NUP50: variants seen among roughly 807,000 people sequenced by gnomAD.
The protein encoded by NUP50 is nucleoporin 50, also known as nuclear pore complex protein Nup50.
Under a neutral mutation model 36.8 loss-of-function variants are expected in NUP50, and 14 were observed. That is an observed-to-expected ratio of 0.38 (90% CI 0.25 to 0.59). NUP50 has a LOEUF of 0.59. Among genes scored for constraint, NUP50 ranks in the 20% least tolerant of loss-of-function variants. The pLI is 0.63. For synonymous variants in NUP50, 195 were observed against 210.8 expected, an observed-to-expected ratio of 0.93 and a Z score of 0.65; for missense variants, 455 against 564.6, an observed-to-expected ratio of 0.81 and a Z score of 1.97.
At chr22:45,173,937 C>T (rs1182748484) in intron 3 of NUP50, among the ~76,000 whole-genome samples, 1 of 152,214 alleles carries the variant, frequency 6.6e-6, no homozygotes, top group Non-Finnish European at 1.5e-5. Flanking sequence ...AATTAAATGT[C>T]ATGTCACCCA....
intron 2 of NUP50, among the ~76,000 whole-genome samples, chr22:45,170,665 C>A (rs889323049): frequency 6.6e-6 from 1 of 151,996 alleles, no homozygotes; most frequent in Non-Finnish European, 1.5e-5. Flanking sequence ...TAACTAAAAT[C>A]TTTGGTTATG....
chr22:45,170,094 A>G (rs2074162817), intron 2 of NUP50, among the ~76,000 whole-genome samples: 1 of 152,226 alleles, frequency 6.6e-6, no homozygotes. Flanking sequence ...AGCTACCTAA[A>G]AGGGAAGGGC....
chr22:45,178,863 G>A lies in NUP50; in HGVS notation c.966G>A (p.Leu322=). The change falls in exon 5 of 8, where the codon TTG becomes TTA. Residue 322 remains leucine (L), a synonymous_variant. Transcript: ENST00000347635. ...PVSSPFPTKP[L]EGQAEGDSGE... ...CTTCACCATTTCCCACTAAACCATT[G>A]GAGGGCCAAGCAGAAGGTGACAGTG... The A allele has an allele frequency of 2.5e-6, 4 of 1,613,484 alleles. No individual in the cohort carries two copies. Among genetic ancestry groups the A allele is most frequent in the Non-Finnish European group, 3.4e-6 (4 of 1,179,690 alleles).
At chr22:45,165,115 A>G (rs948340257) in intron 1 of NUP50, among the ~76,000 whole-genome samples, 23 of 152,338 alleles carry the variant, frequency 1.5e-4, no homozygotes, top group African/African-American at 4.8e-4. Context: ...ACATAACTAT[A>G]TCAGGCACAA....
At chr22:45,174,975 T>C (rs1266620581) in intron 3 of NUP50, among the ~76,000 whole-genome samples, 2 of 152,256 alleles carry the variant, frequency 1.3e-5, no homozygotes, top group South Asian at 4.2e-4. Flanking sequence ...TTTTTTTTTT[T>C]TCTGGTGAAA....
chr22:45,175,144 C>G (rs779650758), intron 3 of NUP50, among the ~76,000 whole-genome samples: 4 of 152,140 alleles, frequency 2.6e-5, no homozygotes, highest in Admixed American at 6.6e-5. Flanking sequence ...TAGCAAAGCA[C>G]TATAAACCGA....
chr22:45,182,513 G>A lies in NUP50; in HGVS notation c.1086-889G>A, dbSNP rs116748512. Among the ~76,000 whole-genome samples the A allele has an allele frequency of 6.5e-3, 993 of 152,166 alleles. 13 individuals are homozygous for A. Among genetic ancestry groups the A allele is most frequent in the African/African-American group, 0.022 (928 of 41,502 alleles). On this transcript the variant is annotated intron_variant, in intron 6 of 7. Coordinates refer to ENST00000347635, the MANE Select transcript of NUP50 (RefSeq NM_007172.4). The stretch of plus-strand genomic sequence containing the variant: ...CCTCAGGAGATGCATAGCACAGGAG[G>A]CTGGGAAGATATTTGATTACTTTGT...
intron 1 of NUP50, among the ~76,000 whole-genome samples, chr22:45,167,647 G>A (rs1158890054): frequency 1.3e-5 from 2 of 152,070 alleles, no homozygotes; most frequent in South Asian, 2.1e-4. Flanking sequence ...TATCTCTGTC[G>A]GCTGTAGCTT....
chr22:45,170,675 G>A (rs1314365526), intron 2 of NUP50, among the ~76,000 whole-genome samples: 1 of 152,126 alleles, frequency 6.6e-6, no homozygotes, highest in Non-Finnish European at 1.5e-5. Context: ...CTTTGGTTAT[G>A]GGGGTTTTTG....
chr22:45,170,947 G>A (rs1456413885), intron 2 of NUP50: 1 of 1,296,078 alleles, frequency 7.7e-7, no homozygotes, highest in African/African-American at 1.5e-5. Flanking sequence ...AACTATAGGT[G>A]AGAATTTTTG....
intron 2 of NUP50, among the ~76,000 whole-genome samples, chr22:45,170,207 G>C (rs1437761336): frequency 6.6e-6 from 1 of 151,406 alleles, no homozygotes; most frequent in African/African-American, 2.4e-5. Context: ...ATATCAGCAC[G>C]CCCAGCCATT....
chr22:45,176,009 A>C lies in NUP50; in HGVS notation c.269A>C (p.Asn90Thr), dbSNP rs1430743961. 1.9e-6 allele frequency: 3 copies of C among 1,614,060 alleles called. No individual in the cohort carries two copies. The African/African-American group carries it at 4.0e-5, about 22-fold the overall frequency. The change falls in exon 4 of 8, where the codon AAT (asparagine) becomes ACT (threonine). Residue 90 changes from asparagine (N) to threonine (T), a missense_variant. Asn to Thr is a moderately conservative substitution (Grantham distance 65). Coordinates refer to ENST00000347635, the MANE Select transcript of NUP50 (RefSeq NM_007172.4). ...AGGKPLEGLS[N>T]GNNITSAPPF... ...GGGAAGCCTTTGGAAGGACTGTCGA[A>C]TGGAAACAACATAACCAGTGCCCCT...
intron 2 of NUP50, among the ~76,000 whole-genome samples, chr22:45,168,898 A>AATT (rs569292072): frequency 1.2e-3 from 161 of 131,968 alleles, no homozygotes; most frequent in African/African-American, 4.0e-3. Context: ...TATAAAAAAA[A>AATT]TTTTTTTTTT....
intron 1 of NUP50, chr22:45,165,839 C>G (rs1477758882): frequency 1.3e-5 from 2 of 152,216 alleles, no homozygotes; most frequent in Admixed American, 6.5e-5. Context: ...TTTATCTTAA[C>G]TTTCTTAATA....
chr22:45,169,701 C>T (rs894915348), intron 2 of NUP50, among the ~76,000 whole-genome samples: 1 of 152,196 alleles, frequency 6.6e-6, no homozygotes, highest in Admixed American at 6.5e-5. Flanking sequence ...CTGTCACGCC[C>T]GCATAAGGGC....
chr22:45,182,537 G>C (rs1483949971), intron 6 of NUP50, among the ~76,000 whole-genome samples: 1 of 150,148 alleles, frequency 6.7e-6, no homozygotes, highest in Non-Finnish European at 1.5e-5. Flanking sequence ...TGATTACTTT[G>C]TTATTAGTTA....
At chr22:45,181,431 G>A in intron 6 of NUP50, 64 bp downstream of exon 6, 1 of 1,064,548 alleles carries the variant, frequency 9.4e-7, no homozygotes, top group Non-Finnish European at 1.4e-6. Context: ...CTTCAGGCTG[G>A]AGAATGTCCT....
intron 1 of NUP50, among the ~76,000 whole-genome samples, chr22:45,167,880 T>G (rs2074120161): frequency 2.0e-5 from 3 of 152,174 alleles, no homozygotes; most frequent in Non-Finnish European, 4.4e-5. Flanking sequence ...CAATTGATAT[T>G]TCATTTTAAT....
Position 45,168,216 on chromosome 22 carries a change from G to A in NUP50, c.39G>A (p.Arg13=). ...KRNAEKELTD[R]NWDQEDEAEE... ...ATGCCGAGAAGGAACTGACAGATAGGAATTGGGATCAAGAAGATGAAGCTG... is the reference window on the plus strand; with the variant it reads ...ATGCCGAGAAGGAACTGACAGATAGAAATTGGGATCAAGAAGATGAAGCTG... Residue 13 remains arginine (R), a synonymous_variant, in exon 2 of 8, where the codon AGG becomes AGA. Transcript: ENST00000347635. 1 of 1,612,046 alleles carries A rather than the reference G, an allele frequency of 6.2e-7. No homozygotes were observed. Among genetic ancestry groups the A allele is most frequent in the Non-Finnish European group, 8.5e-7 (1 of 1,179,388 alleles).
Sources: allele counts gnomAD v4.1 joint callset (sites outside exome capture counted in the v4.1 genomes callset), GRCh38; gene constraint gnomAD v4.1.1; transcripts MANE v1.5; gene names NCBI Gene and HGNC (gene_info 2026-07-23, HGNC 2026-07-21).